The following SLC4A7 variants were observed in gnomAD, a reference collection of about 807,000 sequenced individuals.
SLC4A7 encodes sodium bicarbonate cotransporter 3.
Under a neutral mutation model 137.6 loss-of-function variants are expected in SLC4A7, and 51 were observed. The ratio of observed to expected loss-of-function variants is 0.37; its 90% confidence interval spans 0.30 to 0.47. SLC4A7 has a LOEUF of 0.47. Ranked by LOEUF, SLC4A7 falls within the 20% of genes least tolerant of loss-of-function variation. The pLI, the probability that SLC4A7 is intolerant of heterozygous loss-of-function variation, is 1.00. For synonymous variants in SLC4A7, 542 were observed against 518.6 expected (o/e 1.05, Z -0.61); for missense variants, 1,247 against 1,525.4 (o/e 0.82, Z 3.04).
intron 3 of SLC4A7, among the ~76,000 whole-genome samples, chr3:27,444,923 C>T (rs572505122): frequency 2.0e-5 from 3 of 152,052 alleles, no homozygotes; most frequent in Non-Finnish European, 2.9e-5. Context: ...TAGTGTAATA[C>T]TTTGCCCTGG....
In SLC4A7 at chr3:27,410,443, A is replaced by T. The variant is rs11717865; in HGVS notation, c.1767-913T>A. Reference sequence around the variant, plus strand: ...AAAATTGACCAAAAAAACTAACATTAAGCTTTCAAATGGATATTTCAAGCT... The same window carrying T: ...AAAATTGACCAAAAAAACTAACATTTAGCTTTCAAATGGATATTTCAAGCT... On this transcript the variant is annotated intron_variant, in intron 12 of 25. Coordinates refer to ENST00000454389, the MANE Select transcript of SLC4A7 (RefSeq NM_001321103.2). Among the ~76,000 whole-genome samples, 632 of 152,320 alleles carry T rather than the reference A, an allele frequency of 4.1e-3. 9 individuals are homozygous for T. The South Asian group carries it at 0.054, about 13-fold the overall frequency.
At chr3:27,387,144 A>G (rs2051044976) in intron 22 of SLC4A7, among the ~76,000 whole-genome samples, 1 of 152,314 alleles carries the variant, frequency 6.6e-6, no homozygotes, top group South Asian at 2.1e-4. Flanking sequence ...TTAAAACAGT[A>G]CAGTATCAGC....
At chr3:27,425,403 G>A (rs1478987301) in intron 7 of SLC4A7, among the ~76,000 whole-genome samples, 4 of 137,886 alleles carry the variant, frequency 2.9e-5, no homozygotes, top group East Asian at 2.2e-4. Context: ...AGGGCCAGGC[G>A]CTGTGGCTCA....
intron 8 of SLC4A7, 138 bp downstream of exon 8, chr3:27,423,899 C>G: frequency 3.5e-6 from 2 of 578,852 alleles, no homozygotes; most frequent in East Asian, 6.0e-5. Context: ...TAACATATCA[C>G]AGACATCACA....
intron 18 of SLC4A7, 55 bp from the exon 19 acceptor site, chr3:27,395,170 A>G: frequency 1.5e-6 from 2 of 1,313,374 alleles, no homozygotes; most frequent in Non-Finnish European, 2.1e-6. Flanking sequence ...ATTGCACTAA[A>G]TTTCCATAAC....
intron 3 of SLC4A7, among the ~76,000 whole-genome samples, chr3:27,437,969 A>G (rs962671037): frequency 3.9e-5 from 6 of 151,986 alleles, no homozygotes; most frequent in African/African-American, 1.4e-4. Flanking sequence ...GGCAGAGGCA[A>G]GTGTACCATC....
intron 1 of SLC4A7, among the ~76,000 whole-genome samples, chr3:27,458,481 T>A (rs1004187064): frequency 3.9e-5 from 6 of 152,160 alleles, no homozygotes; most frequent in Admixed American, 3.3e-4. Flanking sequence ...TCTAAACTTC[T>A]CCAAGAACAG....
intron 5 of SLC4A7, among the ~76,000 whole-genome samples, chr3:27,434,832 T>TA (rs140187798): frequency 1.3e-4 from 19 of 151,826 alleles, no homozygotes; most frequent in African/African-American, 4.1e-4. Context: ...ATGGTTACTC[T>TA]AAAAAAAACC....
chr3:27,472,326 G>A (rs1043833079), intron 1 of SLC4A7, among the ~76,000 whole-genome samples: 27 of 152,052 alleles, frequency 1.8e-4, no homozygotes, highest in Admixed American at 1.8e-3. Context: ...CGCAATGCAC[G>A]CCTGTAATCC....
At chr3:27,462,981 T>C (rs2058776461) in intron 1 of SLC4A7, among the ~76,000 whole-genome samples, 1 of 152,192 alleles carries the variant, frequency 6.6e-6, no homozygotes, top group South Asian at 2.1e-4. Flanking sequence ...ATGCAACAGA[T>C]GTCGGTAAAA....
intron 13 of SLC4A7, among the ~76,000 whole-genome samples, chr3:27,408,900 T>C (rs1342426004): frequency 2.0e-5 from 3 of 152,240 alleles, no homozygotes; most frequent in Admixed American, 6.5e-5. Flanking sequence ...TTATGTTCTA[T>C]TCTTCCAGTC....
chr3:27,436,742 T>C (rs1339006125), intron 4 of SLC4A7, among the ~76,000 whole-genome samples, 194 bp from the exon 5 acceptor site: 2 of 152,114 alleles, frequency 1.3e-5, no homozygotes, highest in Non-Finnish European at 2.9e-5. Context: ...GTAGTTCCTC[T>C]TTCTATTCTA....
At chr3:27,416,030 T>G (rs1220423388) in intron 11 of SLC4A7, among the ~76,000 whole-genome samples, 1 of 152,206 alleles carries the variant, frequency 6.6e-6, no homozygotes, top group Admixed American at 6.5e-5. Flanking sequence ...TTGTATGACT[T>G]TTCTCTTTTT....
chr3:27,459,127 C>G (rs909701425), intron 1 of SLC4A7, among the ~76,000 whole-genome samples: 9 of 152,162 alleles, frequency 5.9e-5, no homozygotes, highest in East Asian at 5.8e-4. Flanking sequence ...TTTCCTCCCC[C>G]ACTGGATTAT....
intron 22 of SLC4A7, among the ~76,000 whole-genome samples, chr3:27,388,233 T>G (rs973186876): frequency 2.0e-5 from 3 of 152,222 alleles, no homozygotes; most frequent in African/African-American, 7.2e-5. Context: ...ATATTACTCT[T>G]GGAAATTCTG....
chr3:27,410,730 G>A (rs566100460), intron 12 of SLC4A7, among the ~76,000 whole-genome samples: 3 of 152,248 alleles, frequency 2.0e-5, no homozygotes, highest in Non-Finnish European at 2.9e-5. Flanking sequence ...ATGAAGAAGC[G>A]ATAATAGCTA....
chr3:27,443,024 CTTTTTTTCTTTTT>C lies in SLC4A7; in HGVS notation c.290-5511_290-5499del, dbSNP rs796281021. Among the ~76,000 whole-genome samples, 315 of 102,152 alleles carry C rather than the reference CTTTTTTTCTTTTT, an allele frequency of 3.1e-3. 2 individuals carry two copies. Among genetic ancestry groups the C allele is most frequent in the African/African-American group, 0.011 (301 of 26,754 alleles). The allele number at this position is 102,152 out of a possible 152,430, so 67.0% of individuals were successfully genotyped here. ...CACCGCGCTGGGCATTCTCTTTTTT[CTTTTTTTCTTTTT>C]TTTTTTTTTTTTGAGATGGAGTTTC... On this transcript the variant is annotated intron_variant, in intron 3 of 25. Coordinates refer to ENST00000454389, the MANE Select transcript of SLC4A7 (RefSeq NM_001321103.2).
chr3:27,432,249 CAAAT>C (rs1194219258), intron 6 of SLC4A7, among the ~76,000 whole-genome samples: 12 of 152,052 alleles, frequency 7.9e-5, no homozygotes, highest in African/African-American at 1.7e-4. Context: ...TAAAAAAAGA[CAAAT>C]AACAGAAATT....
intron 1 of SLC4A7, among the ~76,000 whole-genome samples, chr3:27,482,243 T>C (rs2059742555): frequency 2.0e-5 from 3 of 152,340 alleles, no homozygotes; most frequent in African/African-American, 4.8e-5. Flanking sequence ...AAATAAGTGT[T>C]ATTACAATGA....
Sources: gnomAD v4.1 joint callset for allele counts (sites outside exome capture counted in the v4.1 genomes callset) on GRCh38, gnomAD v4.1.1 for gene constraint, MANE v1.5 for transcripts, NCBI Gene and HGNC (gene_info 2026-07-23, HGNC 2026-07-21) for gene names.